Variants in LRP1B observed in about 807,000 individuals in gnomAD.
LRP1B encodes low-density lipoprotein receptor-related protein 1B.
Under a neutral mutation model 556.6 loss-of-function variants are expected in LRP1B, and 217 were observed. That is an observed-to-expected ratio of 0.39 (90% CI 0.35 to 0.44). LRP1B has a LOEUF of 0.44. LRP1B is among the 20% of genes least tolerant of loss of function. LRP1B has a pLI of 1.00. For missense variants in LRP1B, 5,053 were observed against 5,620.8 expected (o/e 0.90, Z 3.23); for synonymous variants, 2,047 against 1,865.8 (o/e 1.10, Z -2.50).
At chr2:141,927,940 A>AC (rs1431715816) in intron 1 of LRP1B, among the ~76,000 whole-genome samples, 2 of 151,692 alleles carry the variant, frequency 1.3e-5, no homozygotes, top group African/African-American at 4.8e-5. Flanking sequence ...AAAGAAAAAA[A>AC]AAAACAAAAC....
chr2:141,452,251 A>G (rs181477918), intron 3 of LRP1B, among the ~76,000 whole-genome samples: 23 of 152,282 alleles, frequency 1.5e-4, no homozygotes, highest in Admixed American at 4.6e-4. Context: ...GTGTGTGATG[A>G]AAAATGCCTG....
chr2:140,908,142 C>A (rs2105232722), intron 21 of LRP1B, 65 bp from the exon 22 acceptor site: 1 of 1,259,964 alleles, frequency 7.9e-7, no homozygotes, highest in South Asian at 1.3e-5. Flanking sequence ...AATGAGTGGC[C>A]ATTATTGTCT....
At chr2:140,590,597 G>C (rs1355824214) in intron 43 of LRP1B, among the ~76,000 whole-genome samples, 4 of 151,244 alleles carry the variant, frequency 2.6e-5, no homozygotes, top group Non-Finnish European at 5.9e-5. Flanking sequence ...CCCCAACCCA[G>C]TCCCCATGCA....
At chr2:140,386,375 C>A (rs577354410) in intron 66 of LRP1B, among the ~76,000 whole-genome samples, 31 of 152,100 alleles carry the variant, frequency 2.0e-4, no homozygotes, top group Admixed American at 3.9e-4. Flanking sequence ...TCTTATCCAC[C>A]CTGTATTTCT....
intron 2 of LRP1B, among the ~76,000 whole-genome samples, chr2:141,753,882 G>T (rs926761122): frequency 6.6e-6 from 1 of 152,000 alleles, no homozygotes. Flanking sequence ...TAGAATTTCA[G>T]GTACCGTGTC....
intron 1 of LRP1B, among the ~76,000 whole-genome samples, chr2:142,071,807 T>C (rs965883797): frequency 6.6e-6 from 1 of 151,974 alleles, no homozygotes. Flanking sequence ...ACTGGGTACA[T>C]AGCTGCTCCC....
At chr2:141,734,106 A>C (rs189131398) in intron 2 of LRP1B, among the ~76,000 whole-genome samples, 1 of 152,260 alleles carries the variant, frequency 6.6e-6, no homozygotes, top group East Asian at 1.9e-4. Flanking sequence ...GAAATTAAAA[A>C]AAATTAACCT....
chr2:140,525,816 C>T (rs770470869), intron 49 of LRP1B, 28 bp downstream of exon 49: 1 of 1,604,150 alleles, frequency 6.2e-7, no homozygotes, highest in Non-Finnish European at 8.5e-7. Flanking sequence ...CAAGGCAAAG[C>T]CTGTGTTTTT....
At chr2:141,582,799 C>T (rs1238757249) in intron 2 of LRP1B, among the ~76,000 whole-genome samples, 2 of 149,452 alleles carry the variant, frequency 1.3e-5, no homozygotes, top group African/African-American at 4.9e-5. Context: ...AAAAGCAATA[C>T]CTGAAATCTT....
At chr2:141,692,147 T>G (rs1371952284) in intron 2 of LRP1B, among the ~76,000 whole-genome samples, 1 of 152,006 alleles carries the variant, frequency 6.6e-6, no homozygotes, top group East Asian at 1.9e-4. Flanking sequence ...CTCCCTCCAT[T>G]GATTTTTCTA....
At chr2:141,585,352 A>G (rs530773962) in intron 2 of LRP1B, among the ~76,000 whole-genome samples, 41 of 152,126 alleles carry the variant, frequency 2.7e-4, no homozygotes, top group South Asian at 6.2e-4. Flanking sequence ...GAAAACCCTT[A>G]TTCAATGCAA....
intron 2 of LRP1B, among the ~76,000 whole-genome samples, chr2:141,787,690 C>A (rs1481115755): frequency 6.6e-6 from 1 of 151,692 alleles, no homozygotes; most frequent in Admixed American, 6.6e-5. Context: ...ATTTATCAAA[C>A]CTTTATACTA....
chr2:141,926,788 T>A (rs1574498917), intron 1 of LRP1B, among the ~76,000 whole-genome samples: 1 of 152,132 alleles, frequency 6.6e-6, no homozygotes, highest in East Asian at 1.9e-4. Context: ...AAATCGATCC[T>A]GGGGATTGAG....
intron 32 of LRP1B, among the ~76,000 whole-genome samples, chr2:140,808,897 G>A (rs952942601): frequency 5.9e-5 from 9 of 152,032 alleles, no homozygotes; most frequent in South Asian, 2.1e-4. Flanking sequence ...GAAAACCTTC[G>A]TAGAAAATCC....
intron 1 of LRP1B, among the ~76,000 whole-genome samples, chr2:142,059,750 A>G (rs1019804742): frequency 6.6e-6 from 1 of 152,108 alleles, no homozygotes; most frequent in Non-Finnish European, 1.5e-5. Flanking sequence ...AGAGGCTGAT[A>G]TTAGTTGTTA....
chr2:140,887,053 CCTAAA>C (rs1287157683), intron 23 of LRP1B, among the ~76,000 whole-genome samples: 2 of 152,048 alleles, frequency 1.3e-5, no homozygotes, highest in African/African-American at 4.8e-5. Flanking sequence ...ATGTATCAAC[CCTAAA>C]CTAATTACTG....
intron 43 of LRP1B, among the ~76,000 whole-genome samples, chr2:140,581,942 C>T (rs13425997): frequency 0.11 from 16,567 of 152,088 alleles, 1,095 homozygotes; most frequent in African/African-American, 0.16. Flanking sequence ...GATATTGTTT[C>T]CGTGTATCCC....
chr2:141,358,670 A>G (rs765413884), intron 3 of LRP1B, among the ~76,000 whole-genome samples: 1 of 152,144 alleles, frequency 6.6e-6, no homozygotes, highest in Non-Finnish European at 1.5e-5. Context: ...TTACTGTTTT[A>G]TCCTTTAGGA....
chr2:142,044,531 G>A (rs1285665580), intron 1 of LRP1B, among the ~76,000 whole-genome samples: 4 of 151,744 alleles, frequency 2.6e-5, no homozygotes, highest in African/African-American at 9.7e-5. Context: ...ACACTTATCT[G>A]TACTAAGACA....
Sources: gnomAD v4.1 joint callset for allele counts (sites outside exome capture counted in the v4.1 genomes callset) on GRCh38, gnomAD v4.1.1 for gene constraint, MANE v1.5 for transcripts, NCBI Gene and HGNC (gene_info 2026-07-23, HGNC 2026-07-21) for gene names.